TCF7L1: variants seen among roughly 807,000 people sequenced by gnomAD.
TCF7L1 encodes the protein transcription factor 7-like 1.
TCF7L1 carries 18 observed loss-of-function variants against 63.7 expected under a neutral mutation model. That is an observed-to-expected ratio of 0.28 (90% CI 0.20 to 0.42). The LOEUF is 0.42. TCF7L1 is among the 10% of genes least tolerant of loss of function. The pLI is 1.00. For synonymous variants in TCF7L1, 355 were observed against 340.9 expected, an observed-to-expected ratio of 1.04 and a Z score of -0.46; for missense variants, 654 against 779.3, an observed-to-expected ratio of 0.84 and a Z score of 1.91.
At chr2:85,294,982 C>T (rs906050815) in intron 4 of TCF7L1, among the ~76,000 whole-genome samples, 1 of 151,986 alleles carries the variant, frequency 6.6e-6, no homozygotes, top group Non-Finnish European at 1.5e-5. Context: ...TGCAGTGAGC[C>T]ATGATCAGGC....
chr2:85,233,382 T>C (rs6749940), intron 3 of TCF7L1, among the ~76,000 whole-genome samples: 127,503 of 150,138 alleles, frequency 0.85, 54,603 homozygotes, highest in African/African-American at 0.96. Flanking sequence ...ATGGCGTGAT[T>C]TCGGTTCACT....
chr2:85,265,292 T>TAA (rs5832641), intron 3 of TCF7L1, among the ~76,000 whole-genome samples: 261 of 146,266 alleles, frequency 1.8e-3, no homozygotes, highest in Non-Finnish European at 3.0e-3. Context: ...CCTGGGAGCT[T>TAA]AAAAAAAAAA....
At chr2:85,184,774 A>C (rs1678876720) in intron 3 of TCF7L1, among the ~76,000 whole-genome samples, 1 of 152,118 alleles carries the variant, frequency 6.6e-6, no homozygotes, top group Non-Finnish European at 1.5e-5. Flanking sequence ...TAGGGGCGGG[A>C]CAAGGCTAGG....
chr2:85,133,836 C>A lies in TCF7L1; in HGVS notation c.152C>A (p.Pro51Gln). The change falls in exon 1 of 12, where the codon CCG becomes CAG. Residue 51 changes from proline to glutamine, a missense_variant. Pro to Gln is a moderately conservative substitution (Grantham distance 76, BLOSUM62 -1). This residue lies in a region of TCF7L1 where 404 missense variants were observed against 454.8 expected (regional missense o/e 0.89). Transcript: ENST00000282111. This position sits in a 1 kb window ranked among gnomAD's most constrained non-coding sequence, Gnocchi z 4.4. ...GACGAGGGGGGCGAGGAGCAGGAGC[C>A]GAGCAGCGATAGCGCCTCGGCGCAG... ...FQDEGGEEQE[P>Q]SSDSASAQRD... 1 of 1,502,108 alleles carries A rather than the reference C, an allele frequency of 6.7e-7. No homozygotes were observed. Among genetic ancestry groups the A allele is most frequent in the Non-Finnish European group, 8.9e-7 (1 of 1,124,952 alleles). 93.0% of individuals were successfully genotyped at this position (1,502,108 alleles called of 1,614,324 possible).
At position 85,306,511 on chromosome 2, in the gene TCF7L1, G is replaced by A. The variant is rs751588158; in HGVS notation, c.1209G>A (p.Arg403=). The A allele has an allele frequency of 6.2e-7, 1 of 1,614,160 alleles. No homozygotes were observed. The highest frequency in any genetic ancestry group is 1.1e-5 in the South Asian group (1 of 91,082). Residue 403 remains arginine (R), a synonymous_variant, in exon 10 of 12, where the codon CGG becomes CGA. Coordinates refer to ENST00000282111, the MANE Select transcript of TCF7L1 (RefSeq NM_031283.3). The surrounding 1 kb of genome is among the most constrained non-coding windows in gnomAD (Gnocchi z 4.3). ...ACTACGAGCTGGCCCGGAAGGAGCG[G>A]CAGCTTCACTCGCAGCTCTACCCAA... The part of the protein sequence containing the change: ...AKYYELARKE[R]QLHSQLYPTW...
chr2:85,195,530 TG>T (rs1355765002), intron 3 of TCF7L1, among the ~76,000 whole-genome samples: 4 of 152,154 alleles, frequency 2.6e-5, no homozygotes, highest in Non-Finnish European at 5.9e-5. Flanking sequence ...CTTGCTTTTT[TG>T]CTTTCCTTTC....
intron 3 of TCF7L1, among the ~76,000 whole-genome samples, chr2:85,210,655 G>T (rs907692625): frequency 1.1e-4 from 16 of 152,148 alleles, no homozygotes; most frequent in African/African-American, 3.9e-4. Flanking sequence ...CCAGCCCTTT[G>T]TCCTTGTCTG....
rs113580251 is a variant in TCF7L1 at position 85,249,480 on chromosome 2, C to T, written c.442-34015C>T. 3.3e-5 allele frequency among the ~76,000 whole-genome samples: 5 copies of T among 152,112 alleles called. 1 individual carries two copies. Among genetic ancestry groups the T allele is most frequent in the African/African-American group, 1.2e-4 (5 of 41,508 alleles). ...ATCCTGTGCCTCTTTCCTTTTTTTCCCTCCAGAAGTGGAAGGCATTTTTCT... is the reference window on the plus strand; with the variant it reads ...ATCCTGTGCCTCTTTCCTTTTTTTCTCTCCAGAAGTGGAAGGCATTTTTCT... On this transcript the variant is annotated intron_variant, in intron 3 of 11. Coordinates refer to ENST00000282111, the MANE Select transcript of TCF7L1 (RefSeq NM_031283.3).
intron 3 of TCF7L1, among the ~76,000 whole-genome samples, chr2:85,173,848 T>C (rs564376493): frequency 2.6e-4 from 40 of 152,216 alleles, no homozygotes; most frequent in Non-Finnish European, 4.9e-4. Context: ...GCGATTCTCC[T>C]GCCTCGGCCT....
rs1285332281 is a variant in TCF7L1 at position 85,283,456 on chromosome 2, A to G, written c.442-39A>G. On this transcript the variant is annotated intron_variant, in intron 3 of 11. Transcript: ENST00000282111. The stretch of plus-strand genomic sequence containing the variant: ...AAACTTTGAGTACTTGTGAGGCCTC[A>G]TCTCACCAACAGCTTTTTCTTTTCT... 8 of 1,611,892 alleles carry G rather than the reference A, an allele frequency of 5.0e-6. No individual in the cohort carries two copies. In the East Asian group the frequency reaches 1.6e-4, roughly 31 times the overall value.
intron 3 of TCF7L1, among the ~76,000 whole-genome samples, chr2:85,266,831 T>C (rs1218370992): frequency 6.6e-6 from 1 of 152,240 alleles, no homozygotes; most frequent in Admixed American, 6.5e-5. Flanking sequence ...TATGTTTATG[T>C]GTTGTAAAAA....
At chr2:85,299,860 AACACACACACACACACACACACACACAC>A (rs61569778) in intron 4 of TCF7L1, among the ~76,000 whole-genome samples, 1 of 92,706 alleles carries the variant, frequency 1.1e-5, no homozygotes, top group Admixed American at 1.2e-4. Flanking sequence ...CCTTGTCTCA[AACACACACACACACACACACACACACAC>A]ACACACACAC....
chr2:85,284,985 G>A (rs1681507849), intron 4 of TCF7L1, among the ~76,000 whole-genome samples: 1 of 152,220 alleles, frequency 6.6e-6, no homozygotes, highest in African/African-American at 2.4e-5. Context: ...TGTAATCCCA[G>A]CACTTTGGGA....
chr2:85,304,003 G>A lies in TCF7L1; in HGVS notation c.761+6G>A. On this transcript the variant is annotated splice_donor_region_variant and intron_variant, in intron 6 of 11. Coordinates refer to ENST00000282111, the MANE Select transcript of TCF7L1 (RefSeq NM_031283.3). ...CTCGGCTGGCTCGTCCCACAGTAAG[G>A]AACCCACAGCCTCTCTTCCCCCTGC... 6.3e-7 allele frequency: 1 copy of A among 1,596,868 alleles called. No homozygotes were observed. Among genetic ancestry groups the A allele is most frequent in the Non-Finnish European group, 8.6e-7 (1 of 1,168,194 alleles).
At chr2:85,281,064 C>A (rs185769579) in intron 3 of TCF7L1, among the ~76,000 whole-genome samples, 1 of 148,952 alleles carries the variant, frequency 6.7e-6, no homozygotes, top group Admixed American at 6.8e-5. Context: ...CACTCTGTCA[C>A]CCAGGCTGGA....
At chr2:85,189,285 G>A (rs543093272) in intron 3 of TCF7L1, among the ~76,000 whole-genome samples, 41 of 152,036 alleles carry the variant, frequency 2.7e-4, no homozygotes, top group Middle Eastern at 3.4e-3. Context: ...AATATTGGCC[G>A]TGTCCTTTCG....
chr2:85,237,448 C>T (rs1178299083), intron 3 of TCF7L1, among the ~76,000 whole-genome samples: 2 of 152,110 alleles, frequency 1.3e-5, no homozygotes, highest in East Asian at 1.9e-4. Context: ...CAGTGTGGAG[C>T]AGCTGCTCCT....
intron 3 of TCF7L1, among the ~76,000 whole-genome samples, chr2:85,269,239 T>C (rs1357715849): frequency 6.6e-6 from 1 of 152,186 alleles, no homozygotes; most frequent in Non-Finnish European, 1.5e-5. Context: ...GGATGTCACT[T>C]CCTCACATAA....
At chr2:85,228,404 G>A (rs1382174434) in intron 3 of TCF7L1, among the ~76,000 whole-genome samples, 1 of 152,142 alleles carries the variant, frequency 6.6e-6, no homozygotes, top group Admixed American at 6.5e-5. Flanking sequence ...CTGGGTAACA[G>A]AGTGACACAA....
Sources: gnomAD v4.1 joint callset for allele counts (sites outside exome capture counted in the v4.1 genomes callset) on GRCh38, gnomAD v4.1.1 for gene constraint, gnomAD v4.1.1 regional missense constraint, Gnocchi (gnomAD v3.1) non-coding constraint, MANE v1.5 for transcripts, NCBI Gene and HGNC (gene_info 2026-07-23, HGNC 2026-07-21) for gene names.